Variants in HSF2 observed in about 807,000 individuals in gnomAD.
HSF2 encodes heat shock factor protein 2.
A neutral mutation model predicts 65.0 loss-of-function variants in HSF2; 21 were observed. The observed-to-expected ratio is 0.32, with a 90% CI of 0.23 to 0.47. The LOEUF (loss-of-function observed/expected upper bound fraction) is 0.47, where lower values mean the gene tolerates loss of function less well. Ranked by LOEUF, HSF2 falls within the 20% of genes least tolerant of loss-of-function variation. The pLI, the probability that HSF2 is intolerant of heterozygous loss-of-function variation, is 1.00. For missense variants in HSF2, 499 were observed against 628.1 expected (o/e 0.79, Z 2.20); for synonymous variants, 225 against 219.1 (o/e 1.03, Z -0.24).
intron 11 of HSF2, among the ~76,000 whole-genome samples, chr6:122,429,900 T>C (rs1774424217): frequency 6.6e-6 from 1 of 152,206 alleles, no homozygotes; most frequent in Non-Finnish European, 1.5e-5. Flanking sequence ...TGCTGCTGGA[T>C]TCAGTTTGCC....
intron 1 of HSF2, among the ~76,000 whole-genome samples, chr6:122,411,991 TC>T (rs1467198641): frequency 6.6e-6 from 1 of 151,946 alleles, no homozygotes; most frequent in Non-Finnish European, 1.5e-5. Context: ...AAATGGTACT[TC>T]CTCTCAAAAT....
chr6:122,422,946 T>C lies in HSF2; in HGVS notation c.1059T>C (p.Asn353=), dbSNP rs1164000916. The change falls in exon 9 of 13, where the codon AAT becomes AAC. Residue 353 remains asparagine (N), a synonymous_variant. Coordinates refer to ENST00000368455, the MANE Select transcript of HSF2 (RefSeq NM_004506.4). ...MMDSILNDNI[N]LLGKVELLDY... is the part of the protein sequence containing the mutation. Reference sequence around the variant, plus strand: ...ATTCCATTTTGAATGATAACATCAATCTTTTGGGAAAGTGAGTGCTTATCT... The same window carrying C: ...ATTCCATTTTGAATGATAACATCAACCTTTTGGGAAAGTGAGTGCTTATCT... The C allele has an allele frequency of 6.2e-7, 1 of 1,613,520 alleles. No homozygotes were observed. Among genetic ancestry groups the C allele is most frequent in the Admixed American group, 1.7e-5 (1 of 59,906 alleles).
intron 5 of HSF2, 43 bp downstream of exon 5, chr6:122,416,339 A>G: frequency 7.5e-7 from 1 of 1,340,954 alleles, no homozygotes; most frequent in South Asian, 1.2e-5. Flanking sequence ...GCATTTGTTT[A>G]ATGAGTACTG....
chr6:122,412,890 T>G (rs1365073714), intron 3 of HSF2, 126 bp downstream of exon 3: 1 of 880,684 alleles, frequency 1.1e-6, no homozygotes, highest in Admixed American at 2.7e-5. Flanking sequence ...ATTAGGATAA[T>G]AAAGTTTTAC....
intron 9 of HSF2, 30 bp from the exon 10 acceptor site, chr6:122,423,551 A>G: frequency 7.9e-7 from 1 of 1,264,806 alleles, no homozygotes; most frequent in South Asian, 1.4e-5. Flanking sequence ...GATATCTAAT[A>G]TTTGATTAAA....
intron 10 of HSF2, 81 bp from the exon 11 acceptor site, chr6:122,427,819 CCAA>C (rs1774370586): frequency 2.2e-6 from 2 of 898,134 alleles, no homozygotes; most frequent in Non-Finnish European, 3.5e-6. Context: ...ATCTCTTCAC[CCAA>C]CATGGCTGTA....
Position 122,412,496 on chromosome 6 carries a change from C to A in HSF2, c.202+15C>A. The A allele has an allele frequency of 6.4e-7, 1 of 1,554,240 alleles. No homozygotes were observed. Among genetic ancestry groups the A allele is most frequent in the Non-Finnish European group, 8.9e-7 (1 of 1,125,926 alleles). On this transcript the variant is annotated intron_variant, in intron 2 of 12. Coordinates refer to ENST00000368455, the MANE Select transcript of HSF2 (RefSeq NM_004506.4). ...ACTGAATATGTGTGAGTATGGACAG[C>A]AGTTTATTGGAGTACCATTATCAGC...
chr6:122,421,854 A>G (rs1176674708), intron 7 of HSF2, among the ~76,000 whole-genome samples: 1 of 152,142 alleles, frequency 6.6e-6, no homozygotes, highest in Non-Finnish European at 1.5e-5. Flanking sequence ...GGCATAAAAA[A>G]TACTTTAAAA....
rs2114459525 is a variant in HSF2 at position 122,431,929 on chromosome 6, G to A, written c.1320G>A (p.Lys440=). The A allele has an allele frequency of 1.2e-6, 2 of 1,610,610 alleles. No homozygotes were observed. The highest frequency in any genetic ancestry group is 1.7e-4 in the Middle Eastern group (1 of 5,996). ...GTGTTTTTCTGATCTTTATAGATAA[G>A]CAGCTTATCCAGTATACCGCCTTTC... The part of the protein sequence containing the change: ...EGRKSKSKPD[K]QLIQYTAFPL... The change falls in exon 13 of 13, where the codon AAG becomes AAA. Residue 440 remains lysine, a synonymous_variant. Transcript: ENST00000368455.
chr6:122,411,819 A>C (rs1774002701), intron 1 of HSF2, among the ~76,000 whole-genome samples: 1 of 151,734 alleles, frequency 6.6e-6, no homozygotes. Context: ...TGATTACTTT[A>C]TTTTTGTAGT....
intron 1 of HSF2, among the ~76,000 whole-genome samples, chr6:122,400,041 C>T (rs1773687398): frequency 1.3e-5 from 2 of 152,068 alleles, no homozygotes; most frequent in South Asian, 2.1e-4. Flanking sequence ...CTCCTCAGGC[C>T]GCGGTGGGGG....
At chr6:122,409,218 A>G (rs1234814985) in intron 1 of HSF2, among the ~76,000 whole-genome samples, 1 of 151,826 alleles carries the variant, frequency 6.6e-6, no homozygotes, top group Non-Finnish European at 1.5e-5. Flanking sequence ...GAGATAAGAG[A>G]CTCAACAGTG....
Position 122,427,976 on chromosome 6 carries a change from G to A in HSF2, c.1230+20G>A. Reference sequence around the variant, plus strand: ...ACAAAAGTAAGTTTTAATTCATGTTGCTCAGGACCCATAGCTATAAAAATC... The same window carrying A: ...ACAAAAGTAAGTTTTAATTCATGTTACTCAGGACCCATAGCTATAAAAATC... On this transcript the variant is annotated intron_variant, in intron 11 of 12. Coordinates refer to ENST00000368455, the MANE Select transcript of HSF2 (RefSeq NM_004506.4). 1 of 1,536,536 alleles carries A rather than the reference G, an allele frequency of 6.5e-7. No homozygotes were observed. The highest frequency in any genetic ancestry group is 8.9e-7 in the Non-Finnish European group (1 of 1,118,470).
In HSF2 at chr6:122,399,668, T is replaced by TGCCGGAGCTGCC. The variant is rs1554207207; in HGVS notation, c.-66_-65insGAGCTGCCGCCG. Reference sequence around the variant, plus strand: ...GTTGTGGGCGTTCTCGGGGAGCTGCTGCCGTAGCTGCCGCCGCCGCTACCA... The same window carrying TGCCGGAGCTGCC: ...GTTGTGGGCGTTCTCGGGGAGCTGCTGCCGGAGCTGCCGCCGTAGCTGCCGCCGCCGCTACCA... On this transcript the variant is annotated 5_prime_UTR_variant, in exon 1 of 13. Coordinates refer to ENST00000368455, the MANE Select transcript of HSF2 (RefSeq NM_004506.4). 2.9e-5 allele frequency: 36 copies of TGCCGGAGCTGCC among 1,238,826 alleles called. No individual in the cohort carries two copies. The highest frequency in any genetic ancestry group is 4.2e-5 in the Non-Finnish European group (36 of 855,022). The allele number at this position is 1,238,826 out of a possible 1,614,324, so 76.7% of individuals were successfully genotyped here.
Position 122,408,335 on chromosome 6 carries a change from T to TAA in HSF2, c.94-4026_94-4025dup, listed in dbSNP as rs368804491. ...ACATATGTTTTAAAATCAAGTTCCA[T>TAA]AAAAAAAAAAAAAGCCTTTTGGATT... On this transcript the variant is annotated intron_variant, in intron 1 of 12. Coordinates refer to ENST00000368455, the MANE Select transcript of HSF2 (RefSeq NM_004506.4). 7.3e-3 allele frequency among the ~76,000 whole-genome samples: 971 copies of TAA among 133,070 alleles called. 8 individuals carry two copies. Among genetic ancestry groups the TAA allele is most frequent in the Non-Finnish European group, 0.01 (639 of 61,092 alleles). 87.3% of individuals were successfully genotyped at this position (133,070 alleles called of 152,430 possible).
intron 11 of HSF2, among the ~76,000 whole-genome samples, chr6:122,429,122 A>G (rs149519734): frequency 1.0e-3 from 153 of 152,212 alleles, no homozygotes; most frequent in African/African-American, 3.3e-3. Context: ...CATATGGACC[A>G]TAAGTTTACC....
chr6:122,406,372 G>T (rs1773867290), intron 1 of HSF2, among the ~76,000 whole-genome samples: 1 of 152,166 alleles, frequency 6.6e-6, no homozygotes, highest in South Asian at 2.1e-4. Flanking sequence ...GTTCAAGGAA[G>T]CAGGAAGGCC....
intron 6 of HSF2, among the ~76,000 whole-genome samples, chr6:122,419,800 C>G (rs1774194796): frequency 6.6e-6 from 1 of 152,034 alleles, no homozygotes; most frequent in South Asian, 2.1e-4. Context: ...TTAACTACTT[C>G]CACTAATTAG....
chr6:122,402,460 C>G (rs976842005), intron 1 of HSF2, among the ~76,000 whole-genome samples: 3 of 152,064 alleles, frequency 2.0e-5, no homozygotes, highest in Admixed American at 6.5e-5. Flanking sequence ...ATAAATGAAA[C>G]CCTAGAAAAT....
Sources: allele counts gnomAD v4.1 joint callset (sites outside exome capture counted in the v4.1 genomes callset), GRCh38; gene constraint gnomAD v4.1.1; transcripts MANE v1.5; gene names NCBI Gene and HGNC (gene_info 2026-07-23, HGNC 2026-07-21).